The following FSTL5 variants were observed in gnomAD, a reference collection of about 807,000 sequenced individuals.
The protein encoded by FSTL5 is follistatin like 5.
In FSTL5, 62 loss-of-function variants were observed where a neutral mutation model predicts 89.1. The ratio of observed to expected loss-of-function variants is 0.70; its 90% CI spans 0.57 to 0.86. FSTL5 has a LOEUF of 0.86. FSTL5 is among the 40% of genes least tolerant of loss of function. The pLI, the probability that FSTL5 is intolerant of heterozygous loss-of-function variation, is 0.00. For synonymous variants in FSTL5, 383 were observed against 346.2 expected (o/e 1.11, Z -1.18); for missense variants, 1,057 against 1,001.6 (o/e 1.06, Z -0.75).
intron 6 of FSTL5, among the ~76,000 whole-genome samples, chr4:161,663,399 C>T (rs1395040894): frequency 6.6e-6 from 1 of 152,048 alleles, no homozygotes; most frequent in African/African-American, 2.4e-5. Flanking sequence ...GGAGCCATTC[C>T]AAAAGGGAGA....
At chr4:162,007,627 T>TAA (rs147535137) in intron 3 of FSTL5, among the ~76,000 whole-genome samples, 3 of 150,360 alleles carry the variant, frequency 2.0e-5, no homozygotes, top group South Asian at 2.1e-4. Flanking sequence ...TCCAACTTAT[T>TAA]AAAAAAAAAG....
intron 6 of FSTL5, among the ~76,000 whole-genome samples, chr4:161,712,866 T>G (rs1235276169): frequency 6.6e-6 from 1 of 152,026 alleles, no homozygotes; most frequent in Non-Finnish European, 1.5e-5. Context: ...CTTTCTCGCA[T>G]GTGATGCACT....
At chr4:161,510,528 G>A in intron 10 of FSTL5, 104 bp from the exon 11 acceptor site, 1 of 651,754 alleles carries the variant, frequency 1.5e-6, no homozygotes, top group Non-Finnish European at 2.6e-6. Flanking sequence ...ATCTATGATA[G>A]AATGTGTATA....
chr4:161,726,144 T>C (rs1982122), intron 6 of FSTL5, among the ~76,000 whole-genome samples: 140,685 of 151,692 alleles, frequency 0.93, 65,540 homozygotes, highest in East Asian at 0.98. Context: ...AACAAAAAAC[T>C]ATATTATAAC....
Position 162,019,236 on chromosome 4 carries a change from G to A in FSTL5, c.160+14389C>T, listed in dbSNP as rs144450856. On this transcript the variant is annotated intron_variant, in intron 3 of 15. Coordinates refer to ENST00000306100, the MANE Select transcript of FSTL5 (RefSeq NM_020116.5). ...AATAAAAATAATTTGCACTAATCAC[G>A]ATATATGTATGCTACCTATTAAAAC... is the stretch of plus-strand genomic sequence containing the variant. Among the ~76,000 whole-genome samples, 6 of 151,986 alleles carry A rather than the reference G, an allele frequency of 3.9e-5. No individual in the cohort carries two copies. In the East Asian group the frequency reaches 9.7e-4, roughly 25 times the overall value.
intron 1 of FSTL5, among the ~76,000 whole-genome samples, chr4:162,115,920 C>G (rs1313730090): frequency 2.0e-5 from 3 of 152,076 alleles, no homozygotes; most frequent in African/African-American, 7.2e-5. Context: ...CACTTCTAAT[C>G]ACTTGGGAAA....
At chr4:161,567,892 A>AT (rs1732872895) in intron 8 of FSTL5, among the ~76,000 whole-genome samples, 3 of 152,026 alleles carry the variant, frequency 2.0e-5, no homozygotes, top group African/African-American at 7.2e-5. Context: ...TTCTAAAACG[A>AT]TCTTCCCATT....
chr4:161,960,316 G>A (rs1248397021), intron 3 of FSTL5, among the ~76,000 whole-genome samples: 1 of 151,508 alleles, frequency 6.6e-6, no homozygotes, highest in African/African-American at 2.4e-5. Flanking sequence ...ATAGGCATGT[G>A]GCACCATGCC....
chr4:162,005,212 G>T (rs17041863), intron 3 of FSTL5, among the ~76,000 whole-genome samples: 66,023 of 151,816 alleles, frequency 0.43, 15,151 homozygotes, highest in African/African-American at 0.56. Flanking sequence ...TCTGTTTCCT[G>T]TAGGCAATTG....
intron 2 of FSTL5, among the ~76,000 whole-genome samples, chr4:162,038,128 A>T (rs1737810606): frequency 6.6e-6 from 1 of 151,946 alleles, no homozygotes; most frequent in African/African-American, 2.4e-5. Flanking sequence ...TCTAGGTATA[A>T]CTTAATTTTA....
chr4:161,962,341 T>A (rs898593117), intron 3 of FSTL5, among the ~76,000 whole-genome samples: 3 of 152,032 alleles, frequency 2.0e-5, no homozygotes, highest in Non-Finnish European at 4.4e-5. Context: ...TCTCAATGTA[T>A]AATTATTTTG....
intron 3 of FSTL5, among the ~76,000 whole-genome samples, chr4:162,007,209 G>A (rs886613512): frequency 6.6e-6 from 1 of 151,744 alleles, no homozygotes; most frequent in East Asian, 1.9e-4. Flanking sequence ...GCTATGTTAA[G>A]CAAGCCCAAA....
intron 13 of FSTL5, among the ~76,000 whole-genome samples, chr4:161,477,979 A>G (rs1439731244): frequency 6.6e-6 from 1 of 152,066 alleles, no homozygotes; most frequent in African/African-American, 2.4e-5. Context: ...TATTTTTGGA[A>G]GTTAAATATA....
At chr4:161,842,750 C>T (rs915939068) in intron 4 of FSTL5, among the ~76,000 whole-genome samples, 3 of 152,008 alleles carry the variant, frequency 2.0e-5, no homozygotes, top group Non-Finnish European at 2.9e-5. Flanking sequence ...AATAAGTAGT[C>T]ATTTTATTTA....
intron 7 of FSTL5, among the ~76,000 whole-genome samples, chr4:161,606,240 A>ATTTTTTTTT (rs71598720): frequency 1.7e-5 from 2 of 117,868 alleles, no homozygotes; most frequent in Non-Finnish European, 3.4e-5. Context: ...ATTATCTGTG[A>ATTTTTTTTT]TTTTTTTTTT....
chr4:162,087,783 C>T (rs922396171), intron 2 of FSTL5, among the ~76,000 whole-genome samples: 1 of 152,196 alleles, frequency 6.6e-6, no homozygotes, highest in Non-Finnish European at 1.5e-5. Context: ...TTCAAACTCA[C>T]AATCCCAGAG....
At chr4:161,873,896 G>T (rs1262939526) in intron 4 of FSTL5, among the ~76,000 whole-genome samples, 1 of 151,966 alleles carries the variant, frequency 6.6e-6, no homozygotes, top group African/African-American at 2.4e-5. Context: ...CTTCAGTACA[G>T]TGTTTTAGTT....
intron 8 of FSTL5, among the ~76,000 whole-genome samples, chr4:161,551,114 G>A (rs1384272056): frequency 3.3e-5 from 5 of 151,826 alleles, no homozygotes; most frequent in Non-Finnish European, 7.4e-5. Flanking sequence ...TGGGATGGCT[G>A]GGTCAAATGG....
intron 1 of FSTL5, among the ~76,000 whole-genome samples, chr4:162,133,636 C>T (rs1189626683): frequency 2.6e-5 from 4 of 152,018 alleles, no homozygotes; most frequent in African/African-American, 7.2e-5. Flanking sequence ...TCAGCTGGTG[C>T]CAGTCATATG....
Sources: allele counts gnomAD v4.1 joint callset (sites outside exome capture counted in the v4.1 genomes callset), GRCh38; gene constraint gnomAD v4.1.1; transcripts MANE v1.5; gene names NCBI Gene and HGNC (gene_info 2026-07-23, HGNC 2026-07-21).